The following SHROOM3 variants were observed in gnomAD, a reference collection of about 807,000 sequenced individuals.
SHROOM3 encodes protein Shroom3.
In SHROOM3, 47 loss-of-function variants were observed where a neutral mutation model predicts 138.6. The observed-to-expected ratio is 0.34, with a 90% CI of 0.27 to 0.43. The LOEUF is 0.43. SHROOM3 is among the 20% of genes least tolerant of loss of function. The pLI is 1.00. For synonymous variants in SHROOM3, 1,062 were observed against 1,063.3 expected (o/e 1.00, Z 0.02); for missense variants, 2,491 against 2,596.5 (o/e 0.96, Z 0.88).
At chr4:76,551,264 A>G (rs1478326557) in intron 1 of SHROOM3, among the ~76,000 whole-genome samples, 1 of 152,178 alleles carries the variant, frequency 6.6e-6, no homozygotes, top group Non-Finnish European at 1.5e-5. Flanking sequence ...GTGAACAACA[A>G]TGAAACTCTT....
chr4:76,467,911 C>T (rs1731280206), intron 1 of SHROOM3, among the ~76,000 whole-genome samples: 1 of 152,160 alleles, frequency 6.6e-6, no homozygotes, highest in African/African-American at 2.4e-5. Flanking sequence ...ATATCTGATA[C>T]TGGAAATGGG....
chr4:76,734,622 C>T (rs1200564960), intron 4 of SHROOM3, among the ~76,000 whole-genome samples: 2 of 151,854 alleles, frequency 1.3e-5, no homozygotes, highest in Non-Finnish European at 2.9e-5. Flanking sequence ...GCGATCCTCC[C>T]GCCTCAGCCT....
In SHROOM3 at chr4:76,533,529, A is replaced by G. The variant is rs75326563; in HGVS notation, c.169-22080A>G. On this transcript the variant is annotated intron_variant, in intron 1 of 10. Coordinates refer to ENST00000296043, the MANE Select transcript of SHROOM3 (RefSeq NM_020859.4). ...TGCTCCAGTAGCTCAGCATCTTGGC[A>G]ATTGTGGGAAGAGGACAGAGGTGAA... Among the ~76,000 whole-genome samples, 1,505 of 152,272 alleles carry G rather than the reference A, an allele frequency of 9.9e-3. 16 individuals carry two copies. The highest frequency in any genetic ancestry group is 0.02 in the South Asian group (97 of 4,822).
intron 1 of SHROOM3, among the ~76,000 whole-genome samples, chr4:76,504,507 A>G (rs1732169055): frequency 6.6e-6 from 1 of 152,226 alleles, no homozygotes; most frequent in Non-Finnish European, 1.5e-5. Flanking sequence ...AACATAAAAA[A>G]TCCACATGAA....
intron 2 of SHROOM3, among the ~76,000 whole-genome samples, chr4:76,647,025 G>A (rs186783568): frequency 3.9e-5 from 6 of 152,170 alleles, no homozygotes; most frequent in East Asian, 1.9e-4. Context: ...GTTCATCAGC[G>A]GGCAAAAGGA....
At chr4:76,583,956 CAT>C (rs1734098458) in intron 2 of SHROOM3, among the ~76,000 whole-genome samples, 1 of 152,156 alleles carries the variant, frequency 6.6e-6, no homozygotes, top group Non-Finnish European at 1.5e-5. Context: ...TTATTCATCT[CAT>C]AATTTGTGAA....
intron 9 of SHROOM3, among the ~76,000 whole-genome samples, chr4:76,766,060 T>G (rs896866859): frequency 6.6e-6 from 1 of 152,230 alleles, no homozygotes; most frequent in South Asian, 2.1e-4. Context: ...CCAGATGATC[T>G]GCGTTTAAGC....
rs751596690 is a variant in SHROOM3 at position 76,436,057 on chromosome 4, T to G, written c.5T>G (p.Met2Arg). ...TTGAGGGATCATGTGTTTGGCATGA[T>G]GAGGACCACTGAAGACTTCCACAAG... The part of the protein sequence containing the change: M[M>R]RTTEDFHKPS... The change falls in exon 1 of 11, where the codon ATG becomes AGG. Residue 2 changes from methionine (M) to arginine (R), a missense_variant. Physicochemically the swap from Met to Arg is moderately conservative, Grantham distance 91 (BLOSUM62 -1). Coordinates refer to ENST00000296043, the MANE Select transcript of SHROOM3 (RefSeq NM_020859.4). 55 of 1,613,834 alleles carry G rather than the reference T, an allele frequency of 3.4e-5. 1 individual carries two copies. In the East Asian group the frequency reaches 1.2e-3, roughly 35 times the overall value.
chr4:76,591,426 T>G (rs1321940443), intron 2 of SHROOM3, among the ~76,000 whole-genome samples: 2 of 152,228 alleles, frequency 1.3e-5, no homozygotes, highest in East Asian at 3.8e-4. Flanking sequence ...TTAGATCTCC[T>G]TCACTTTTTA....
chr4:76,450,916 A>G (rs1730913001), intron 1 of SHROOM3, among the ~76,000 whole-genome samples: 1 of 152,146 alleles, frequency 6.6e-6, no homozygotes, highest in Admixed American at 6.6e-5. Flanking sequence ...GTAAACCACA[A>G]AGTAAATTAT....
intron 2 of SHROOM3, among the ~76,000 whole-genome samples, chr4:76,660,485 A>G (rs57905283): frequency 6.6e-6 from 1 of 151,418 alleles, no homozygotes; most frequent in Non-Finnish European, 1.5e-5. Flanking sequence ...ATTTTAATTA[A>G]TTTTTTTTAA....
At chr4:76,488,685 G>A (rs1731787203) in intron 1 of SHROOM3, among the ~76,000 whole-genome samples, 1 of 152,146 alleles carries the variant, frequency 6.6e-6, no homozygotes, top group Non-Finnish European at 1.5e-5. Flanking sequence ...ATTTTAAGAA[G>A]TGTTCCAGGA....
intron 2 of SHROOM3, among the ~76,000 whole-genome samples, chr4:76,686,933 T>C (rs1719352760): frequency 6.6e-6 from 1 of 152,186 alleles, no homozygotes; most frequent in African/African-American, 2.4e-5. Context: ...CTCAGTCTGG[T>C]GTACCTCTGT....
intron 2 of SHROOM3, chr4:76,639,769 TG>T (rs1374774313): frequency 1.5e-5 from 6 of 394,876 alleles, no homozygotes; most frequent in Non-Finnish European, 2.7e-5. Context: ...GTTAAGTAAA[TG>T]GGAAGTTCTT....
chr4:76,561,750 C>G (rs1400688803), intron 2 of SHROOM3, among the ~76,000 whole-genome samples: 3 of 150,812 alleles, frequency 2.0e-5, no homozygotes, highest in African/African-American at 7.3e-5. Flanking sequence ...TGGCTCACGT[C>G]TGTAATCCCA....
intron 1 of SHROOM3, among the ~76,000 whole-genome samples, chr4:76,524,805 C>A (rs930447741): frequency 1.3e-5 from 2 of 152,162 alleles, no homozygotes; most frequent in African/African-American, 4.8e-5. Context: ...TTCCATTTAA[C>A]TGTTAACTAT....
intron 3 of SHROOM3, among the ~76,000 whole-genome samples, chr4:76,722,919 T>C (rs1466144869): frequency 6.6e-6 from 1 of 151,964 alleles, no homozygotes; most frequent in African/African-American, 2.4e-5. Flanking sequence ...TTAAGAAATA[T>C]GGTAACTTTT....
intron 1 of SHROOM3, among the ~76,000 whole-genome samples, chr4:76,544,549 T>TG (rs1276207024): frequency 1.3e-5 from 2 of 150,988 alleles, no homozygotes; most frequent in Admixed American, 6.6e-5. Context: ...CCTGGCTTTT[T>TG]TTTGTTTTGT....
intron 1 of SHROOM3, among the ~76,000 whole-genome samples, chr4:76,504,326 G>GT (rs1481382707): frequency 7.2e-5 from 11 of 152,116 alleles, no homozygotes; most frequent in African/African-American, 2.4e-4. Flanking sequence ...GCCTGGCTAA[G>GT]TTTTTTGTAT....
Sources: allele counts gnomAD v4.1 joint callset (sites outside exome capture counted in the v4.1 genomes callset), GRCh38; gene constraint gnomAD v4.1.1; transcripts MANE v1.5; gene names NCBI Gene and HGNC (gene_info 2026-07-23, HGNC 2026-07-21).